NUDT6: variants seen among roughly 807,000 people sequenced by gnomAD.
NUDT6 encodes the protein nudix hydrolase 6.
A neutral mutation model predicts 36.8 loss-of-function variants in NUDT6; 24 were observed. The observed-to-expected ratio is 0.65, with a 90% CI of 0.47 to 0.92. The LOEUF is 0.92. Ranked by LOEUF, NUDT6 falls within the 40% of genes least tolerant of loss-of-function variation. The pLI, the probability that NUDT6 is intolerant of heterozygous loss-of-function variation, is 0.00. For missense variants in NUDT6, 388 were observed against 392.8 expected, an observed-to-expected ratio of 0.99 and a Z score of 0.10; for synonymous variants, 163 against 157.0, an observed-to-expected ratio of 1.04 and a Z score of -0.29.
intron 3 of NUDT6, among the ~76,000 whole-genome samples, chr4:122,900,737 G>T (rs1244779781): frequency 2.0e-5 from 3 of 152,010 alleles, no homozygotes; most frequent in African/African-American, 7.3e-5. Context: ...AACATTCTAT[G>T]TAAATCCAAT....
At chr4:122,916,674 TCTATTTAAAAGCACTATGTAATAGTC>T (rs1345823473) in intron 2 of NUDT6, among the ~76,000 whole-genome samples, 4 of 152,224 alleles carry the variant, frequency 2.6e-5, no homozygotes, top group East Asian at 3.8e-4. Flanking sequence ...GCAAACTTCA[TCTATTTAAAAGCACTATGTAATAGTC>T]CTATTTAAAA....
At chr4:122,906,786 A>G (rs936842146) in intron 3 of NUDT6, among the ~76,000 whole-genome samples, 2 of 152,174 alleles carry the variant, frequency 1.3e-5, no homozygotes, top group African/African-American at 4.8e-5. Context: ...TTGCTGATAA[A>G]ACAGGTTGCA....
intron 4 of NUDT6, chr4:122,896,043 A>AT (rs1475278250): frequency 6.6e-6 from 1 of 152,592 alleles, no homozygotes; most frequent in African/African-American, 2.4e-5. Context: ...GGTTTTATGA[A>AT]TTTTCAGGCA....
chr4:122,893,484 T>C (rs1362520254), intron 4 of NUDT6: 3 of 333,656 alleles, frequency 9.0e-6, no homozygotes, highest in South Asian at 1.1e-4. Flanking sequence ...CTGTACATTT[T>C]TGGGGTCAGC....
chr4:122,899,800 C>T (rs1727473816), intron 3 of NUDT6, among the ~76,000 whole-genome samples: 1 of 152,132 alleles, frequency 6.6e-6, no homozygotes, highest in African/African-American at 2.4e-5. Flanking sequence ...GCCTGGGCAA[C>T]AGAGTGAGAC....
intron 1 of NUDT6, chr4:122,922,043 A>C (rs982514128): frequency 8.3e-6 from 3 of 361,502 alleles, no homozygotes; most frequent in African/African-American, 2.1e-5. Flanking sequence ...TGGAAGAGGA[A>C]ATGGTGGTTT....
intron 3 of NUDT6, among the ~76,000 whole-genome samples, chr4:122,899,503 G>C (rs1246816833): frequency 1.3e-5 from 2 of 152,136 alleles, no homozygotes; most frequent in Non-Finnish European, 2.9e-5. Flanking sequence ...TTGAGCCTGA[G>C]TATAGTCTTA....
At position 122,899,044 on chromosome 4, in the gene NUDT6, A is replaced by ATTTTTTTTTTTTTTTTTTTTTTTTTTTT. The variant is rs113708696; in HGVS notation, c.499-1367_499-1366insAAAAAAAAAAAAAAAAAAAAAAAAAAAA. On this transcript the variant is annotated intron_variant, in intron 3 of 4. Coordinates refer to ENST00000304430, the MANE Select transcript of NUDT6 (RefSeq NM_007083.5). ...CTACAGGTGTGCACCACCACACCTA[A>ATTTTTTTTTTTTTTTTTTTTTTTTTTTT]TTTTTTTTTTTTTTTTAGAGATGAG... Among the ~76,000 whole-genome samples the ATTTTTTTTTTTTTTTTTTTTTTTTTTTT allele has an allele frequency of 1.3e-3, 91 of 69,404 alleles. 34 individuals carry two copies. The highest frequency in any genetic ancestry group is 2.1e-3 in the Non-Finnish European group (68 of 33,126). The allele number at this position is 69,404 out of a possible 152,430, so 45.5% of individuals were successfully genotyped here. A position where few individuals can be genotyped will look rare whatever the true frequency, so the allele number is the denominator to read the frequency against.
At chr4:122,912,197 A>T (rs1295958967) in intron 3 of NUDT6, among the ~76,000 whole-genome samples, 1 of 152,120 alleles carries the variant, frequency 6.6e-6, no homozygotes, top group Non-Finnish European at 1.5e-5. Flanking sequence ...GGCATAAGGT[A>T]TATCGTCTTA....
rs578076240 is a variant in NUDT6, at chr4:122,907,813, G to C, written c.498+4755C>G. Among the ~76,000 whole-genome samples, 4 of 152,224 alleles carry C rather than the reference G, an allele frequency of 2.6e-5. No individual in the cohort carries two copies. In the South Asian group the frequency reaches 8.3e-4, roughly 32 times the overall value. On this transcript the variant is annotated intron_variant, in intron 3 of 4. Transcript: ENST00000304430. The stretch of plus-strand genomic sequence containing the variant: ...TTCACCCAAATTCTTTCTTGTGTGA[G>C]ATCCAAGAATCCTATCTTGGGGTCT...
rs535962947 is a variant in NUDT6, at chr4:122,922,308, G to C, written c.238+27C>G. The C allele has an allele frequency of 3.2e-6, 5 of 1,576,076 alleles. No homozygotes were observed. The East Asian group carries it at 1.1e-4, about 36-fold the overall frequency. ...TCATTAGAAAAGCTCTGGAGCCCCG[G>C]GAGCCCTTCGTCCCAGGCGCACTTG... is the stretch of plus-strand genomic sequence containing the variant. On this transcript the variant is annotated intron_variant, in intron 1 of 4. Transcript: ENST00000304430.
chr4:122,902,769 G>T lies in NUDT6; in HGVS notation c.499-5091C>A, dbSNP rs552088871. 1.6e-3 allele frequency among the ~76,000 whole-genome samples: 251 copies of T among 152,278 alleles called. 1 individual carries two copies. The highest frequency in any genetic ancestry group is 4.6e-3 in the African/African-American group (192 of 41,564). On this transcript the variant is annotated intron_variant, in intron 3 of 4. Transcript: ENST00000304430. ...TTTATTACCTAAAATATTGGGGTAGGGATGAAGGACTGGAATATGTGTGTA... is the reference window on the plus strand; with the variant it reads ...TTTATTACCTAAAATATTGGGGTAGTGATGAAGGACTGGAATATGTGTGTA...
chr4:122,907,185 C>T (rs1184353707), intron 3 of NUDT6, among the ~76,000 whole-genome samples: 1 of 152,148 alleles, frequency 6.6e-6, no homozygotes. Flanking sequence ...GGCTGGAGGG[C>T]AGTGGCATGA....
intron 2 of NUDT6, chr4:122,913,427 A>G (rs1315048134): frequency 6.6e-6 from 1 of 152,132 alleles, no homozygotes; most frequent in Admixed American, 6.6e-5. Context: ...TAATACCATC[A>G]CATTGGGGAT....
chr4:122,897,779 A>G lies in NUDT6; in HGVS notation c.499-101T>C, dbSNP rs559374356. 422 of 823,222 alleles carry G rather than the reference A, an allele frequency of 5.1e-4. 2 individuals carry two copies. The highest frequency in any genetic ancestry group is 2.8e-3 in the Middle Eastern group (11 of 3,996). The allele number at this position is 823,222 out of a possible 1,614,324, so 51.0% of individuals were successfully genotyped here. A position where few individuals can be genotyped will look rare whatever the true frequency, so the allele number is the denominator to read the frequency against. On this transcript the variant is annotated intron_variant, in intron 3 of 4. Coordinates refer to ENST00000304430, the MANE Select transcript of NUDT6 (RefSeq NM_007083.5). Reference sequence around the variant, plus strand: ...CCTATAATTGGTCAAAGTGGTTGAGAATATATTTTTTAGTAATTGCATGCA... The same window carrying G: ...CCTATAATTGGTCAAAGTGGTTGAGGATATATTTTTTAGTAATTGCATGCA...
chr4:122,910,263 TG>T (rs1251721727), intron 3 of NUDT6, among the ~76,000 whole-genome samples: 1 of 144,568 alleles, frequency 6.9e-6, no homozygotes, highest in Non-Finnish European at 1.5e-5. Flanking sequence ...TTAAGTCACT[TG>T]TCTTTGCAGG....
intron 2 of NUDT6, among the ~76,000 whole-genome samples, chr4:122,916,114 CCAG>C (rs1056137983): frequency 2.0e-4 from 31 of 152,158 alleles, no homozygotes; most frequent in African/African-American, 6.5e-4. Context: ...GAGACCACCA[CCAG>C]CAGCAGCAGC....
intron 1 of NUDT6, chr4:122,919,274 T>G (rs1482365100): frequency 6.6e-6 from 1 of 152,376 alleles, no homozygotes; most frequent in African/African-American, 2.4e-5. Context: ...TGGAGTGCAA[T>G]GGTGCAATCT....
At chr4:122,914,591 C>T (rs1727793750) in intron 2 of NUDT6, among the ~76,000 whole-genome samples, 1 of 152,058 alleles carries the variant, frequency 6.6e-6, no homozygotes, top group Non-Finnish European at 1.5e-5. Context: ...CACAATAATC[C>T]TGTGAGTGAT....
Sources: allele counts gnomAD v4.1 joint callset (sites outside exome capture counted in the v4.1 genomes callset), GRCh38; gene constraint gnomAD v4.1.1; transcripts MANE v1.5; gene names NCBI Gene and HGNC (gene_info 2026-07-23, HGNC 2026-07-21).